ADAM12: variants seen among roughly 807,000 people sequenced by gnomAD.
ADAM12 encodes disintegrin and metalloproteinase domain-containing protein 12.
ADAM12 carries 70 observed loss-of-function variants against 106.4 expected under a neutral mutation model. The observed-to-expected ratio is 0.66, with a 90% confidence interval of 0.54 to 0.80. The LOEUF (loss-of-function observed/expected upper bound fraction) is 0.80, where lower values mean the gene tolerates loss of function less well. Ranked by LOEUF, ADAM12 falls within the 30% of genes least tolerant of loss-of-function variation. ADAM12 has a pLI of 0.00. For missense variants in ADAM12, 1,010 were observed against 1,171.9 expected (o/e 0.86, Z 2.02); for synonymous variants, 420 against 433.5 (o/e 0.97, Z 0.39).
At chr10:126,100,868 G>T (rs1336853574) in intron 9 of ADAM12, among the ~76,000 whole-genome samples, 3 of 152,176 alleles carry the variant, frequency 2.0e-5, no homozygotes, top group African/African-American at 7.2e-5. Context: ...GTTTTCCAGG[G>T]TGTTCAGAGG....
intron 3 of ADAM12, among the ~76,000 whole-genome samples, chr10:126,229,663 A>G (rs1250259406): frequency 1.0e-5 from 1 of 99,186 alleles, no homozygotes; most frequent in African/African-American, 4.1e-5. Context: ...GTCTCCCTCC[A>G]GTCCTATTCT....
At chr10:126,121,137 A>ATAGTATATATAGT (rs369000232) in intron 5 of ADAM12, among the ~76,000 whole-genome samples, 528 of 28,544 alleles carry the variant, frequency 0.018, 28 homozygotes, top group East Asian at 0.062. Flanking sequence ...TATACTATAT[A>ATAGTATATATAGT]CTATATATAC....
At chr10:126,272,826 C>A in intron 3 of ADAM12, 1 of 416,440 alleles carries the variant, frequency 2.4e-6, no homozygotes, top group South Asian at 2.0e-5. Context: ...TAATGTCTTT[C>A]ATCTGTGAGT....
At chr10:126,265,363 C>T (rs559789790) in intron 3 of ADAM12, among the ~76,000 whole-genome samples, 2 of 152,266 alleles carry the variant, frequency 1.3e-5, no homozygotes, top group East Asian at 1.9e-4. Context: ...TAGAACACTG[C>T]CATTTTGCAG....
intron 3 of ADAM12, among the ~76,000 whole-genome samples, chr10:126,197,491 G>T (rs1197743516): frequency 6.6e-6 from 1 of 152,200 alleles, no homozygotes; most frequent in African/African-American, 2.4e-5. Flanking sequence ...GGACAGTCGT[G>T]TGCTTCCCTC....
chr10:126,335,835 T>A (rs1854679981), intron 1 of ADAM12, among the ~76,000 whole-genome samples: 1 of 152,156 alleles, frequency 6.6e-6, no homozygotes, highest in Admixed American at 6.5e-5. Flanking sequence ...CTTGACGTGA[T>A]GTGATGACAG....
chr10:126,092,463 G>C (rs1355011365), intron 11 of ADAM12, among the ~76,000 whole-genome samples: 1 of 152,204 alleles, frequency 6.6e-6, no homozygotes, highest in Non-Finnish European at 1.5e-5. Flanking sequence ...TGCCCCAAAT[G>C]TCCAGCAAAC....
intron 1 of ADAM12, among the ~76,000 whole-genome samples, chr10:126,367,839 T>C (rs890824247): frequency 6.6e-6 from 1 of 151,966 alleles, no homozygotes; most frequent in African/African-American, 2.4e-5. Flanking sequence ...CACTGAATAA[T>C]TCTATTAGAC....
At chr10:126,155,201 T>C (rs755557659) in intron 4 of ADAM12, 26 bp downstream of exon 4, 5 of 1,610,078 alleles carry the variant, frequency 3.1e-6, no homozygotes, top group East Asian at 2.2e-5. Context: ...TGTAAGATTA[T>C]GGTGATCCCA....
At chr10:126,188,668 A>G (rs1957442676) in intron 3 of ADAM12, among the ~76,000 whole-genome samples, 1 of 152,172 alleles carries the variant, frequency 6.6e-6, no homozygotes, top group South Asian at 2.1e-4. Context: ...ATCCCATGAC[A>G]TATCTTTGTA....
In ADAM12 at chr10:126,077,685, G is replaced by A. The variant is rs60868494; in HGVS notation, c.1146-6031C>T. Among the ~76,000 whole-genome samples the A allele has an allele frequency of 4.3e-3, 657 of 152,240 alleles. 3 individuals carry two copies. Among genetic ancestry groups the A allele is most frequent in the African/African-American group, 0.015 (603 of 41,530 alleles). ...AATAATAAATGCTGCTGGGATAACT[G>A]GCTAACCATATGCAGAAGATTGAAA... On this transcript the variant is annotated intron_variant, in intron 11 of 22. Transcript: ENST00000448723.
chr10:126,148,022 C>T (rs530093480), intron 4 of ADAM12, among the ~76,000 whole-genome samples: 3 of 152,268 alleles, frequency 2.0e-5, no homozygotes, highest in Admixed American at 6.5e-5. Context: ...AAATGTCACA[C>T]GGATAGTCTC....
At chr10:126,192,510 G>A (rs1246353858) in intron 3 of ADAM12, among the ~76,000 whole-genome samples, 1 of 152,146 alleles carries the variant, frequency 6.6e-6, no homozygotes, top group Non-Finnish European at 1.5e-5. Flanking sequence ...CCTTGTGTCA[G>A]CCAATGACCA....
chr10:126,174,499 T>C (rs986605172), intron 3 of ADAM12, among the ~76,000 whole-genome samples: 1 of 151,930 alleles, frequency 6.6e-6, no homozygotes, highest in African/African-American at 2.4e-5. Context: ...GTCGTGTCCA[T>C]TTTCCCTATA....
chr10:126,333,558 A>G (rs912681911), intron 1 of ADAM12, among the ~76,000 whole-genome samples: 1 of 151,948 alleles, frequency 6.6e-6, no homozygotes, highest in Non-Finnish European at 1.5e-5. Flanking sequence ...GGAGGCAGCA[A>G]CTCCACACCT....
At chr10:126,077,521 G>T (rs1187343804) in intron 11 of ADAM12, among the ~76,000 whole-genome samples, 1 of 152,136 alleles carries the variant, frequency 6.6e-6, no homozygotes, top group Non-Finnish European at 1.5e-5. Context: ...AACCAAAACA[G>T]CATGGTAGTG....
intron 21 of ADAM12, among the ~76,000 whole-genome samples, chr10:126,028,549 A>G (rs1043480347): frequency 1.3e-5 from 2 of 152,196 alleles, no homozygotes; most frequent in African/African-American, 2.4e-5. Context: ...AGAAAAAGCA[A>G]TGGGGAAAGG....
At chr10:126,253,462 C>T (rs1032551973) in intron 3 of ADAM12, among the ~76,000 whole-genome samples, 1 of 152,220 alleles carries the variant, frequency 6.6e-6, no homozygotes, top group African/African-American at 2.4e-5. Context: ...AGCTGCTCTA[C>T]TGAATGAGCT....
intron 3 of ADAM12, 37 bp from the exon 4 acceptor site, chr10:126,155,342 C>T (rs751136385): frequency 3.8e-6 from 6 of 1,560,768 alleles, no homozygotes; most frequent in Non-Finnish European, 5.3e-6. Context: ...AAGATGAGTG[C>T]AGAATTGCAT....
Sources: allele counts gnomAD v4.1 joint callset (sites outside exome capture counted in the v4.1 genomes callset), GRCh38; gene constraint gnomAD v4.1.1; transcripts MANE v1.5; gene names NCBI Gene and HGNC (gene_info 2026-07-23, HGNC 2026-07-21).